CAST: variants seen among roughly 807,000 people sequenced by gnomAD.
CAST encodes the protein calpastatin.
In CAST, 76 loss-of-function variants were observed where a neutral mutation model predicts 119.6. The observed-to-expected ratio is 0.64, with a 90% CI of 0.53 to 0.77. The LOEUF (loss-of-function observed/expected upper bound fraction) is 0.77. Ranked by LOEUF, CAST falls within the 30% of genes least tolerant of loss-of-function variation. The probability of loss-of-function intolerance (pLI) is 0.00; values close to 1 mark genes in which losing one functional copy is unlikely to be tolerated. For missense variants in CAST, 953 were observed against 946.5 expected (o/e 1.01, Z -0.09); for synonymous variants, 319 against 331.6 (o/e 0.96, Z 0.41).
the CAST span, among the ~76,000 whole-genome samples, chr5:96,068,611 G>T: frequency 6.6e-6 from 1 of 151,518 alleles, no homozygotes; most frequent in Non-Finnish European, 1.5e-5. Flanking sequence ...GTGTGTGTGT[G>T]TGTGTGTGTG....
chr5:96,115,346 A>G, the CAST span, among the ~76,000 whole-genome samples: 4 of 152,260 alleles, frequency 2.6e-5, no homozygotes, highest in East Asian at 1.9e-4. Flanking sequence ...ATCTGTCTGT[A>G]TAGTGTTAGC....
At chr5:96,485,721 G>C in the CAST span, among the ~76,000 whole-genome samples, 1 of 152,144 alleles carries the variant, frequency 6.6e-6, no homozygotes, top group African/African-American at 2.4e-5. Context: ...CCTACCCAAA[G>C]TGTACTTGTT....
chr5:96,588,642 C>T (rs947642743), intron 1 of CAST, among the ~76,000 whole-genome samples: 1 of 152,094 alleles, frequency 6.6e-6, no homozygotes, highest in Non-Finnish European at 1.5e-5. Flanking sequence ...GCCAGAAAAA[C>T]GATTTATGAT....
the CAST span, among the ~76,000 whole-genome samples, chr5:95,964,540 T>C: frequency 1.3e-5 from 2 of 152,100 alleles, no homozygotes; most frequent in African/African-American, 4.8e-5. Context: ...GCTCAAAAAT[T>C]CAAAGAAAGG....
At chr5:96,424,868 C>A in the CAST span, among the ~76,000 whole-genome samples, 4 of 151,262 alleles carry the variant, frequency 2.6e-5, no homozygotes, top group East Asian at 7.8e-4. Flanking sequence ...GAGGCTGAGG[C>A]AGGAGAATCG....
Position 96,730,769 on chromosome 5 carries a change from C to A in CAST, c.550-11C>A, listed in dbSNP as rs768723925. On this transcript the variant is annotated splice_polypyrimidine_tract_variant and intron_variant, in intron 8 of 31. Coordinates refer to ENST00000675179, the MANE Select transcript of CAST (RefSeq NM_001750.7). ...CTTAGCTCTGTCAACCTTTTATCCT[C>A]ACTGTCTTAGACTAAACCACAAGAC... 1 of 1,605,284 alleles carries A rather than the reference C, an allele frequency of 6.2e-7. No homozygotes were observed. Among genetic ancestry groups the A allele is most frequent in the South Asian group, 1.1e-5 (1 of 90,902 alleles).
chr5:96,062,585 T>A, the CAST span, among the ~76,000 whole-genome samples: 8 of 152,108 alleles, frequency 5.3e-5, no homozygotes, highest in African/African-American at 1.9e-4. Context: ...TATGAAACTT[T>A]AAGCTGTGGC....
At chr5:96,411,171 C>G in the CAST span, among the ~76,000 whole-genome samples, 2 of 152,374 alleles carry the variant, frequency 1.3e-5, no homozygotes, top group South Asian at 4.1e-4. Context: ...TTATAAGCCA[C>G]TGGACTCTGG....
chr5:96,164,128 C>G, the CAST span, among the ~76,000 whole-genome samples: 1 of 152,134 alleles, frequency 6.6e-6, no homozygotes, highest in Non-Finnish European at 1.5e-5. Context: ...TCACTCTGTT[C>G]TCTACGCTCT....
chr5:96,254,720 C>T, the CAST span, among the ~76,000 whole-genome samples: 1 of 152,042 alleles, frequency 6.6e-6, no homozygotes, highest in African/African-American at 2.4e-5. Flanking sequence ...ATGTTAGTTA[C>T]AAAGTAGACA....
chr5:96,494,823 T>C, the CAST span, among the ~76,000 whole-genome samples: 2 of 152,176 alleles, frequency 1.3e-5, no homozygotes, highest in Admixed American at 1.3e-4. Flanking sequence ...TTCTGTTATA[T>C]TAAAAGTGCG....
upstream of CAST, among the ~76,000 whole-genome samples, chr5:96,524,299 A>G (rs1745564594): frequency 2.0e-5 from 3 of 152,184 alleles, no homozygotes; most frequent in South Asian, 6.2e-4. Context: ...GGCAGATAAA[A>G]CTGGTTTCTG....
At chr5:96,611,484 A>G (rs1252284340) in intron 1 of CAST, among the ~76,000 whole-genome samples, 1 of 152,208 alleles carries the variant, frequency 6.6e-6, no homozygotes, top group Non-Finnish European at 1.5e-5. Context: ...GCTTAAATGT[A>G]AGACCTCAAA....
intron 1 of CAST, among the ~76,000 whole-genome samples, chr5:96,622,388 T>G (rs1160588644): frequency 6.6e-6 from 1 of 152,108 alleles, no homozygotes; most frequent in Non-Finnish European, 1.5e-5. Flanking sequence ...AAAAACATAT[T>G]CTCCTCTGGG....
At chr5:96,320,523 T>C in the CAST span, among the ~76,000 whole-genome samples, 1 of 152,040 alleles carries the variant, frequency 6.6e-6, no homozygotes, top group African/African-American at 2.4e-5. Context: ...CAGGCGTGAG[T>C]CACCGTGCCC....
Position 96,730,255 on chromosome 5 carries a change from G to C in CAST, c.550-525G>C, listed in dbSNP as rs138483640. Among the ~76,000 whole-genome samples the C allele has an allele frequency of 8.5e-5, 13 of 152,274 alleles. 1 individual carries two copies. Among genetic ancestry groups the C allele is most frequent in the African/African-American group, 2.9e-4 (12 of 41,560 alleles). On this transcript the variant is annotated intron_variant, in intron 8 of 31. Coordinates refer to ENST00000675179, the MANE Select transcript of CAST (RefSeq NM_001750.7). ...CATCTACAAGAAATACTTTTTCATT[G>C]AGAGCACTTGGAAGATAATAACGAG...
At chr5:96,364,671 C>T in the CAST span, among the ~76,000 whole-genome samples, 2 of 152,208 alleles carry the variant, frequency 1.3e-5, no homozygotes, top group Admixed American at 6.5e-5. Flanking sequence ...GTGGTGATAT[C>T]CCCTTTATCA....
At chr5:96,175,867 C>T in the CAST span, among the ~76,000 whole-genome samples, 3 of 152,220 alleles carry the variant, frequency 2.0e-5, no homozygotes, top group East Asian at 5.8e-4. Flanking sequence ...CCTATTCCAG[C>T]ACTAAGAGTA....
chr5:96,079,099 C>A, the CAST span: 11 of 467,964 alleles, frequency 2.4e-5, no homozygotes, highest in East Asian at 7.0e-5. Flanking sequence ...TAAAAAAAAA[C>A]CTATTTAAAT....
Sources: gnomAD v4.1 joint callset for allele counts (sites outside exome capture counted in the v4.1 genomes callset) on GRCh38, gnomAD v4.1.1 for gene constraint, MANE v1.5 for transcripts, NCBI Gene and HGNC (gene_info 2026-07-23, HGNC 2026-07-21) for gene names.